Variants in FARSA observed in about 807,000 individuals in gnomAD.
FARSA encodes phenylalanine--tRNA ligase alpha subunit.
FARSA carries 37 observed loss-of-function variants against 63.2 expected under a neutral mutation model. The observed-to-expected ratio is 0.59, with a 90% CI of 0.45 to 0.77. The LOEUF (loss-of-function observed/expected upper bound fraction) is 0.77. Among genes scored for constraint, FARSA ranks in the 30% least tolerant of loss-of-function variants. The probability of loss-of-function intolerance (pLI) is 0.00; values close to 1 mark genes in which losing one functional copy is unlikely to be tolerated. For synonymous variants in FARSA, 312 were observed against 285.1 expected, an observed-to-expected ratio of 1.09 and a Z score of -0.95; for missense variants, 618 against 696.6, an observed-to-expected ratio of 0.89 and a Z score of 1.27.
chr19:12,930,506 C>T lies in FARSA; in HGVS notation c.307G>A (p.Gly103Ser), dbSNP rs1192627403. 1 of 1,613,960 alleles carries T rather than the reference C, an allele frequency of 6.2e-7. No individual in the cohort carries two copies. The highest frequency in any genetic ancestry group is 8.5e-7 in the Non-Finnish European group (1 of 1,179,960). Reference protein sequence around the residue: ...ELMRLPSGKVGFSKAMSNKWI... With the variant: ...ELMRLPSGKVSFSKAMSNKWI... Reference sequence around the variant, plus strand: ...TTGTTGGACATGGCCTTGCTGAAGCCCACTTTGCCACTGGGCAGTCGCTGG... The same window carrying T: ...TTGTTGGACATGGCCTTGCTGAAGCTCACTTTGCCACTGGGCAGTCGCTGG... Residue 103 changes from glycine to serine, a missense_variant, in exon 3 of 13, where the codon GGC becomes AGC. By Grantham distance (56) the Gly-to-Ser change is moderately conservative. Coordinates refer to ENST00000314606, the MANE Select transcript of FARSA (RefSeq NM_004461.3).
Position 12,930,768 on chromosome 19 carries a change from A to C in FARSA, c.148-19T>G, listed in dbSNP as rs1971384570. ...CGATGACCTAGAGGGAAATGTGGGG[A>C]GGGTGTCCAGGCAGGGGTGAGGCTC... On this transcript the variant is annotated intron_variant, in intron 1 of 12. Coordinates refer to ENST00000314606, the MANE Select transcript of FARSA (RefSeq NM_004461.3). 2.5e-6 allele frequency: 4 copies of C among 1,602,602 alleles called. No homozygotes were observed. The highest frequency in any genetic ancestry group is 1.7e-5 in the Admixed American group (1 of 60,010).
chr19:12,925,089 C>T lies in FARSA; in HGVS notation c.926+1G>A. 3 of 1,612,866 alleles carry T rather than the reference C, an allele frequency of 1.9e-6. No individual in the cohort carries two copies. The highest frequency in any genetic ancestry group is 2.2e-5 in the South Asian group (2 of 90,980). Reference sequence around the variant, plus strand: ...TCCATACCAGGTAAGTCCTGCCTCACCCCTGTGAGCCGTAGCCGCCCTGAG... The same window carrying T: ...TCCATACCAGGTAAGTCCTGCCTCATCCCTGTGAGCCGTAGCCGCCCTGAG... On this transcript the variant is annotated splice_donor_variant, in intron 8 of 12. Coordinates refer to ENST00000314606, the MANE Select transcript of FARSA (RefSeq NM_004461.3). LOFTEE classifies it high-confidence loss of function.
chr19:12,931,055 A>T (rs1202569263), intron 1 of FARSA, among the ~76,000 whole-genome samples: 1 of 152,198 alleles, frequency 6.6e-6, no homozygotes, highest in Non-Finnish European at 1.5e-5. Context: ...ACAGATTTTA[A>T]TGTGAAAAAT....
chr19:12,925,797 C>G (rs1391695843), intron 7 of FARSA, among the ~76,000 whole-genome samples: 1 of 151,196 alleles, frequency 6.6e-6, no homozygotes, highest in Non-Finnish European at 1.5e-5. Flanking sequence ...CCTCAGCCTC[C>G]CAAGTAGCTG....
At position 12,924,253 on chromosome 19, in the gene FARSA, C is replaced by CA. The variant is rs1971299176; in HGVS notation, c.1285dup (p.Trp429LeufsTer61). ...GACCCCCGAGTTTCCGACCTCCACC[C>CA]ACTTCTTCAGGCCTGCAGAGGCAGG... On this transcript the variant is annotated frameshift_variant, in exon 12 of 13. Transcript: ENST00000314606. LOFTEE classifies it high-confidence loss of function. This position sits in a 1 kb window ranked among gnomAD's most constrained non-coding sequence, Gnocchi z 6.4. 1.2e-6 allele frequency: 2 copies of CA among 1,613,978 alleles called. No individual in the cohort carries two copies. Among genetic ancestry groups the CA allele is most frequent in the African/African-American group, 2.7e-5 (2 of 74,932 alleles).
At chr19:12,925,236 C>CA in intron 7 of FARSA, 62 bp from the exon 8 acceptor site, 1 of 1,272,410 alleles carries the variant, frequency 7.9e-7, no homozygotes, top group South Asian at 1.3e-5. Flanking sequence ...TTTTTTTTTT[C>CA]AGACAGGGTC....
In FARSA at chr19:12,933,647, G is replaced by A; in HGVS notation, c.50C>T (p.Ser17Phe). The A allele has an allele frequency of 6.4e-7, 1 of 1,565,756 alleles. No homozygotes were observed. ...CTCGGCGCTGTCCAGGCCGCCATCA[G>A]ACGCCTCCAGCCGCCGGAGCAGCAG... is the stretch of plus-strand genomic sequence containing the variant. Reference protein sequence around the residue: ...AELLLRRLEASDGGLDSAELA... With the variant: ...AELLLRRLEAFDGGLDSAELA... The change falls in exon 1 of 13, where the codon TCT becomes TTT. Residue 17 changes from serine to phenylalanine, a missense_variant. Coordinates refer to ENST00000314606, the MANE Select transcript of FARSA (RefSeq NM_004461.3).
chr19:12,922,894 G>T lies in FARSA; in HGVS notation c.1389-8C>A. ...TATTTGATCATCGTTGGGCTTGTGGGGGAGGGAACAGAGTTTATCATGAGG... is the reference window on the plus strand; with the variant it reads ...TATTTGATCATCGTTGGGCTTGTGGTGGAGGGAACAGAGTTTATCATGAGG... On this transcript the variant is annotated splice_region_variant and splice_polypyrimidine_tract_variant and intron_variant, in intron 12 of 12. Transcript: ENST00000314606. The T allele has an allele frequency of 6.2e-7, 1 of 1,614,048 alleles. No individual in the cohort carries two copies. The highest frequency in any genetic ancestry group is 8.5e-7 in the Non-Finnish European group (1 of 1,180,012).
Position 12,930,627 on chromosome 19 carries a change from G to A in FARSA, c.270C>T (p.Ala90=). ...CAGCTCCTACCATAAGCTCGCTCTG[G>A]GCCAGGCCCTCTGGGGGAATGCTTC... ...VFRSIPPEGL[A]QSELMRLPSG... The change falls in exon 2 of 13, where the codon GCC becomes GCT. Residue 90 remains alanine (A), a synonymous_variant. Transcript: ENST00000314606. The A allele has an allele frequency of 6.2e-7, 1 of 1,612,326 alleles. No individual in the cohort carries two copies. The highest frequency in any genetic ancestry group is 8.5e-7 in the Non-Finnish European group (1 of 1,178,852).
At chr19:12,929,767 CTG>C (rs1426432776) in intron 4 of FARSA, among the ~76,000 whole-genome samples, 1 of 152,216 alleles carries the variant, frequency 6.6e-6, no homozygotes, top group East Asian at 1.9e-4. Context: ...CTCTGCCACT[CTG>C]TGTCTGCTCA....
In FARSA at chr19:12,930,017, G is replaced by A. The variant is rs149906961; in HGVS notation, c.503+206C>T. Among the ~76,000 whole-genome samples, 239 of 152,302 alleles carry A rather than the reference G, an allele frequency of 1.6e-3. 5 individuals are homozygous for A. Among genetic ancestry groups the A allele is most frequent in the African/African-American group, 5.6e-3 (233 of 41,566 alleles). The stretch of plus-strand genomic sequence containing the variant: ...GACTTGATGAGGAGCCTATCTTGAA[G>A]ATCAGAGGGAAAACAGTTCTCAGCA... On this transcript the variant is annotated intron_variant, in intron 4 of 12. Coordinates refer to ENST00000314606, the MANE Select transcript of FARSA (RefSeq NM_004461.3).
At position 12,933,648 on chromosome 19, in the gene FARSA, A is replaced by G; in HGVS notation, c.49T>C (p.Ser17Pro). 1 of 1,565,608 alleles carries G rather than the reference A, an allele frequency of 6.4e-7. No individual in the cohort carries two copies. Among genetic ancestry groups the G allele is most frequent in the South Asian group, 1.2e-5 (1 of 86,034 alleles). ...TCGGCGCTGTCCAGGCCGCCATCAG[A>G]CGCCTCCAGCCGCCGGAGCAGCAGT... is the stretch of plus-strand genomic sequence containing the variant. ...AELLLRRLEA[S>P]DGGLDSAELA... Residue 17 changes from serine (S) to proline (P), a missense_variant, in exon 1 of 13, where the codon TCT (serine) becomes CCT (proline). Ser to Pro is a moderately conservative substitution (Grantham distance 74, BLOSUM62 -1). Transcript: ENST00000314606.
In FARSA at chr19:12,924,212, G is replaced by A. The variant is rs1434621971; in HGVS notation, c.1327C>T (p.Leu443=). The A allele has an allele frequency of 3.1e-6, 5 of 1,614,020 alleles. No individual in the cohort carries two copies. The highest frequency in any genetic ancestry group is 3.3e-5 in the Admixed American group (2 of 59,998). Residue 443 remains leucine, a synonymous_variant, in exon 12 of 13, where the codon CTG becomes TTG. Transcript: ENST00000314606. This position sits in a 1 kb window ranked among gnomAD's most constrained non-coding sequence, Gnocchi z 6.4. ...TTCTCGGGAAGCCCCATGGGCAGCA[G>A]CATCTCTGGACGGAAGACCCCCGAG... The part of the protein sequence containing the change: ...GNSGVFRPEM[L]LPMGLPENVS...
intron 4 of FARSA, 123 bp from the exon 5 acceptor site, chr19:12,928,970 C>T: frequency 3.6e-6 from 3 of 822,824 alleles, no homozygotes; most frequent in Non-Finnish European, 6.2e-6. Context: ...TCCATCCTGA[C>T]ATTTATCACT....
Position 12,933,597 on chromosome 19 carries a change from G to A in FARSA, c.100C>T (p.His34Tyr). 1 of 1,553,386 alleles carries A rather than the reference G, an allele frequency of 6.4e-7. No homozygotes were observed. The highest frequency in any genetic ancestry group is 8.7e-7 in the Non-Finnish European group (1 of 1,153,802). The change falls in exon 1 of 13, where the codon CAC becomes TAC. Residue 34 changes from histidine (H) to tyrosine (Y), a missense_variant. By Grantham distance (83) the His-to-Tyr change is moderately conservative (BLOSUM62 2). Coordinates refer to ENST00000314606, the MANE Select transcript of FARSA (RefSeq NM_004461.3). ...TTCACGGCGCCCACCACCGCCTGGTGCTCCATGCCCAGCTCAGCCGCCAAC... is the reference window on the plus strand; with the variant it reads ...TTCACGGCGCCCACCACCGCCTGGTACTCCATGCCCAGCTCAGCCGCCAAC... Reference protein sequence around the residue: ...AELAAELGMEHQAVVGAVKSL... With the variant: ...AELAAELGMEYQAVVGAVKSL...
At chr19:12,928,506 C>A (rs1236420116) in intron 6 of FARSA, 29 bp downstream of exon 6, 8 of 1,613,884 alleles carry the variant, frequency 5.0e-6, no homozygotes, top group Non-Finnish European at 6.8e-6. Context: ...AGCAGAAGCA[C>A]CAGGCACCGC....
Position 12,924,768 on chromosome 19 carries a change from C to A in FARSA, c.1066G>T (p.Val356Leu). The A allele has an allele frequency of 6.2e-7, 1 of 1,602,414 alleles. No homozygotes were observed. The highest frequency in any genetic ancestry group is 1.1e-5 in the South Asian group (1 of 90,004). The change falls in exon 10 of 13, where the codon GTA becomes TTA. Residue 356 changes from valine to leucine, a missense_variant. Coordinates refer to ENST00000314606, the MANE Select transcript of FARSA (RefSeq NM_004461.3). The surrounding 1 kb of genome is among the most constrained non-coding windows in gnomAD (Gnocchi z 6.4). ...TPVKYFSIDRVFRNETLDATH... is the reference protein window; with the variant it reads ...TPVKYFSIDRLFRNETLDATH... ...GCGTCCAGGGTCTCATTCCGGAATA[C>A]GCGGTCGATGGAGAAGTACTTGACC...
At chr19:12,933,255 G>A in intron 1 of FARSA, 2 of 417,356 alleles carry the variant, frequency 4.8e-6, no homozygotes, top group South Asian at 5.7e-5. Context: ...TCTGGTTCTT[G>A]AAGCACCTTC....
chr19:12,933,580 G>A lies in FARSA; in HGVS notation c.117C>T (p.Gly39=). 1 of 1,548,298 alleles carries A rather than the reference G, an allele frequency of 6.5e-7. No homozygotes were observed. Among genetic ancestry groups the A allele is most frequent in the South Asian group, 1.2e-5 (1 of 84,852 alleles). The change falls in exon 1 of 13, where the codon GGC becomes GGT. Residue 39 remains glycine (G), a synonymous_variant. Transcript: ENST00000314606. ...CCAGCGCCTGAAGGCTCTTCACGGC[G>A]CCCACCACCGCCTGGTGCTCCATGC... ...ELGMEHQAVV[G]AVKSLQALGE...
Sources: allele counts gnomAD v4.1 joint callset (sites outside exome capture counted in the v4.1 genomes callset), GRCh38; gene constraint gnomAD v4.1.1; non-coding constraint Gnocchi (gnomAD v3.1); transcripts MANE v1.5; gene names NCBI Gene and HGNC (gene_info 2026-07-23, HGNC 2026-07-21).